The following CDK8 variants were observed in gnomAD, a reference collection of about 807,000 sequenced individuals.
The protein encoded by CDK8 is cyclin dependent kinase 8.
In CDK8, 29 loss-of-function variants were observed where a neutral mutation model predicts 71.5. That is an observed-to-expected ratio of 0.41 (90% confidence interval 0.30 to 0.55). The LOEUF is 0.55. CDK8 is among the 20% of genes least tolerant of loss of function. The probability of loss-of-function intolerance (pLI) is 0.37; values close to 1 mark genes in which losing one functional copy is unlikely to be tolerated. For synonymous variants in CDK8, 161 were observed against 192.1 expected (o/e 0.84, Z 1.34); for missense variants, 288 against 572.6 (o/e 0.50, Z 5.07).
Position 26,254,604 on chromosome 13 carries a change from C to T in CDK8, c.-38C>T, listed in dbSNP as rs751252120. 4.6e-6 allele frequency: 7 copies of T among 1,506,476 alleles called. No homozygotes were observed. Among genetic ancestry groups the T allele is most frequent in the East Asian group, 2.4e-5 (1 of 41,848 alleles). 93.3% of individuals were successfully genotyped at this position (1,506,476 alleles called of 1,614,324 possible). A position where few individuals can be genotyped will look rare whatever the true frequency, so the allele number is the denominator to read the frequency against. On this transcript the variant is annotated 5_prime_UTR_variant, in exon 1 of 13. Coordinates refer to ENST00000381527, the MANE Select transcript of CDK8 (RefSeq NM_001260.3). The surrounding 1 kb of genome is among the most constrained non-coding windows in gnomAD (Gnocchi z 6.7). ...CCCGGTCCCCACCCCTGCCCCCCGG[C>T]CCCCCGACCCAGCTCTCCGGCCTCA...
At chr13:26,308,342 C>T (rs2137926620) in intron 1 of CDK8, among the ~76,000 whole-genome samples, 1 of 152,280 alleles carries the variant, frequency 6.6e-6, no homozygotes, top group African/African-American at 2.4e-5. Flanking sequence ...TAGGTAGACA[C>T]CAAAGTCCTC....
Position 26,385,248 on chromosome 13 carries a change from G to C in CDK8, c.552G>C (p.Leu184Phe), listed in dbSNP as rs1875420832. The change falls in exon 6 of 13, where the codon TTG becomes TTC. Residue 184 changes from leucine (L) to phenylalanine (F), a missense_variant. By Grantham distance (22) the Leu-to-Phe change is conservative. Coordinates refer to ENST00000381527, the MANE Select transcript of CDK8 (RefSeq NM_001260.3). The part of the protein sequence containing the change: ...MGFARLFNSP[L>F]KPLADLDPVV... ...TTGCCCGATTATTTAATTCACCTTT[G>C]AAGCCTTTAGCAGATTTGGATCCAG... 1 of 1,612,204 alleles carries C rather than the reference G, an allele frequency of 6.2e-7. No individual in the cohort carries two copies. The highest frequency in any genetic ancestry group is 8.5e-7 in the Non-Finnish European group (1 of 1,178,956).
At chr13:26,325,502 C>G (rs1255210002) in intron 1 of CDK8, among the ~76,000 whole-genome samples, 1 of 152,106 alleles carries the variant, frequency 6.6e-6, no homozygotes, top group Non-Finnish European at 1.5e-5. Context: ...TTAGCCTGCT[C>G]TAGCAAGCGA....
At chr13:26,352,039 A>G (rs9553796) in intron 3 of CDK8, among the ~76,000 whole-genome samples, 126,141 of 152,004 alleles carry the variant, frequency 0.83, 54,011 homozygotes, top group East Asian at 0.99. Context: ...ATGAAGAAAT[A>G]TATATGAAAT....
chr13:26,385,470 C>T, intron 6 of CDK8, 128 bp downstream of exon 6: 2 of 711,864 alleles, frequency 2.8e-6, no homozygotes, highest in Non-Finnish European at 4.3e-6. Flanking sequence ...TGTGATGGCT[C>T]ATGCCTGTAA....
chr13:26,266,746 A>G (rs1157146409), intron 1 of CDK8, among the ~76,000 whole-genome samples: 1 of 152,232 alleles, frequency 6.6e-6, no homozygotes, highest in African/African-American at 2.4e-5. Flanking sequence ...CAAAGCAATG[A>G]AAAGCATCAC....
At chr13:26,335,535 A>G (rs1479795953) in intron 1 of CDK8, among the ~76,000 whole-genome samples, 1 of 152,054 alleles carries the variant, frequency 6.6e-6, no homozygotes, top group Non-Finnish European at 1.5e-5. Context: ...ATGCCCACTT[A>G]GATGTCTCAC....
At chr13:26,337,782 T>G in intron 2 of CDK8, 140 bp downstream of exon 2, 1 of 339,678 alleles carries the variant, frequency 2.9e-6, no homozygotes, top group Non-Finnish European at 5.5e-6. Context: ...AAATATTATT[T>G]ATTAAGGAGA....
intron 4 of CDK8, among the ~76,000 whole-genome samples, chr13:26,375,120 A>G (rs1437096937): frequency 6.6e-6 from 1 of 152,212 alleles, no homozygotes; most frequent in Non-Finnish European, 1.5e-5. Flanking sequence ...AATGAGAAGG[A>G]TGCAAACAAT....
At chr13:26,365,790 A>C (rs1473679777) in intron 4 of CDK8, among the ~76,000 whole-genome samples, 2 of 152,070 alleles carry the variant, frequency 1.3e-5, no homozygotes, top group Non-Finnish European at 2.9e-5. Context: ...GGAGACAAGA[A>C]TTTTTCATAT....
intron 1 of CDK8, among the ~76,000 whole-genome samples, chr13:26,272,947 T>C (rs1437227267): frequency 2.0e-5 from 3 of 152,228 alleles, no homozygotes; most frequent in Admixed American, 1.3e-4. Context: ...GTTGGTATTG[T>C]TTGTAGCACA....
rs1320136547 is a variant in CDK8, at chr13:26,404,507, C to A, written c.*426C>A. ...CACAAAGTTTAACTGGTACTTGAAA[C>A]ATACAGTATATGTTAACGAAATAAC... is the stretch of plus-strand genomic sequence containing the variant. On this transcript the variant is annotated 3_prime_UTR_variant, in exon 13 of 13. Coordinates refer to ENST00000381527, the MANE Select transcript of CDK8 (RefSeq NM_001260.3). 4.2e-6 allele frequency: 1 copy of A among 240,148 alleles called. No homozygotes were observed. The highest frequency in any genetic ancestry group is 8.2e-6 in the Non-Finnish European group (1 of 121,998). The allele number at this position is 240,148 out of a possible 1,614,324, so 14.9% of individuals were successfully genotyped here.
At chr13:26,369,282 A>C (rs1047033552) in intron 4 of CDK8, among the ~76,000 whole-genome samples, 1 of 131,380 alleles carries the variant, frequency 7.6e-6, no homozygotes, top group African/African-American at 3.5e-5. Flanking sequence ...CCATCTCTAC[A>C]AAAAAAAAAA....
At chr13:26,326,241 A>C (rs1157098028) in intron 1 of CDK8, among the ~76,000 whole-genome samples, 1 of 152,222 alleles carries the variant, frequency 6.6e-6, no homozygotes, top group Non-Finnish European at 1.5e-5. Context: ...AGTTGCACCC[A>C]AAAGAAAGTG....
intron 1 of CDK8, among the ~76,000 whole-genome samples, chr13:26,330,436 C>G (rs1261092891): frequency 6.6e-6 from 1 of 152,176 alleles, no homozygotes; most frequent in African/African-American, 2.4e-5. Flanking sequence ...AACTCCTGAC[C>G]TCAAGTGATC....
intron 1 of CDK8, among the ~76,000 whole-genome samples, chr13:26,331,780 T>A (rs1565975587): frequency 6.6e-6 from 1 of 152,212 alleles, no homozygotes; most frequent in Non-Finnish European, 1.5e-5. Flanking sequence ...TCAGGATTGC[T>A]TTTGACTATT....
In CDK8 at chr13:26,369,599, G is replaced by A. The variant is rs545720836; in HGVS notation, c.457-13215G>A. ...GCTGGAGTGCAGTAGCGTGATCTCC[G>A]CTCACTGCAAGCTCCGCTTCCTGGG... On this transcript the variant is annotated intron_variant, in intron 4 of 12. Transcript: ENST00000381527. 9.3e-4 allele frequency among the ~76,000 whole-genome samples: 119 copies of A among 127,970 alleles called. 1 individual carries two copies. The highest frequency in any genetic ancestry group is 3.5e-3 in the African/African-American group (114 of 32,768). The allele number at this position is 127,970 out of a possible 152,430, so 84.0% of individuals were successfully genotyped here. A position where few individuals can be genotyped will look rare whatever the true frequency, so the allele number is the denominator to read the frequency against.
intron 1 of CDK8, among the ~76,000 whole-genome samples, chr13:26,270,292 G>A (rs1238804338): frequency 2.0e-5 from 3 of 149,490 alleles, no homozygotes; most frequent in African/African-American, 7.7e-5. Flanking sequence ...AAGAGGCTGA[G>A]GCAGGAGAAT....
intron 12 of CDK8, among the ~76,000 whole-genome samples, chr13:26,402,477 AAGAG>A (rs767531958): frequency 7.2e-5 from 11 of 152,338 alleles, no homozygotes; most frequent in South Asian, 4.1e-4. Flanking sequence ...CACAAAAAAA[AAGAG>A]AGAGAGAAAG....
Sources: gnomAD v4.1 joint callset for allele counts (sites outside exome capture counted in the v4.1 genomes callset) on GRCh38, gnomAD v4.1.1 for gene constraint, Gnocchi (gnomAD v3.1) non-coding constraint, MANE v1.5 for transcripts, NCBI Gene and HGNC (gene_info 2026-07-23, HGNC 2026-07-21) for gene names.